The following MROH1 variants were observed in gnomAD, a reference collection of about 807,000 sequenced individuals.
The protein encoded by MROH1 is maestro heat-like repeat-containing protein family member 1.
In MROH1, 117 loss-of-function variants were observed where a neutral mutation model predicts 116.5. The ratio of observed to expected loss-of-function variants is 1.00; its 90% CI spans 0.86 to 1.17. The LOEUF (loss-of-function observed/expected upper bound fraction) is 1.17, where lower values mean the gene tolerates loss of function less well. MROH1 is among the 50% of genes most tolerant of loss of function. The pLI, the probability that MROH1 is intolerant of heterozygous loss-of-function variation, is 0.00. For synonymous variants in MROH1, 921 were observed against 583.9 expected (o/e 1.58, Z -8.32); for missense variants, 1,873 against 1,338.5 (o/e 1.40, Z -6.23).
chr8:144,179,658 T>A, intron 5 of MROH1, 72 bp downstream of exon 5: 1 of 1,537,710 alleles, frequency 6.5e-7, no homozygotes, highest in Non-Finnish European at 8.8e-7. Context: ...TTGGCCTTTC[T>A]ACCCAGCAGC....
intron 12 of MROH1, among the ~76,000 whole-genome samples, chr8:144,207,100 G>A (rs546313513): frequency 6.6e-6 from 1 of 150,796 alleles, no homozygotes; most frequent in East Asian, 2.0e-4. Context: ...AATTGATGAA[G>A]CACCTTTTCA....
chr8:144,233,618 GC>G (rs1452306867), intron 14 of MROH1, among the ~76,000 whole-genome samples: 2 of 152,080 alleles, frequency 1.3e-5, no homozygotes, highest in Non-Finnish European at 2.9e-5. Context: ...TTTGTGTCTG[GC>G]TTCTCCCACT....
intron 7 of MROH1, among the ~76,000 whole-genome samples, chr8:144,187,741 G>C (rs1038084792): frequency 6.6e-6 from 1 of 152,216 alleles, no homozygotes; most frequent in East Asian, 1.9e-4. Context: ...TGAAGGCAGT[G>C]CTAGAAGGTG....
At chr8:144,169,402 T>A (rs1821850045) in intron 4 of MROH1, among the ~76,000 whole-genome samples, 1 of 151,708 alleles carries the variant, frequency 6.6e-6, no homozygotes. Flanking sequence ...CTGTCAGCTG[T>A]CTTAGCTGTT....
intron 31 of MROH1, 130 bp downstream of exon 31, chr8:144,247,809 G>A: frequency 2.9e-6 from 2 of 686,180 alleles, no homozygotes; most frequent in Admixed American, 2.0e-5. Context: ...CATGAGCAGG[G>A]CCTGGGTGTT....
At chr8:144,152,385 T>TA (rs1254095782) in intron 1 of MROH1, among the ~76,000 whole-genome samples, 9 of 98,208 alleles carry the variant, frequency 9.2e-5, no homozygotes, top group Admixed American at 3.1e-4. Context: ...TTTTTTTATT[T>TA]AAAAAAAATT....
At chr8:144,178,757 C>T (rs1196672833) in intron 4 of MROH1, among the ~76,000 whole-genome samples, 1 of 152,138 alleles carries the variant, frequency 6.6e-6, no homozygotes, top group African/African-American at 2.4e-5. Flanking sequence ...CCCCAGGTTC[C>T]TTTCCTGGGT....
intron 33 of MROH1, among the ~76,000 whole-genome samples, chr8:144,253,013 G>A (rs1200885633): frequency 6.7e-6 from 1 of 149,272 alleles, no homozygotes; most frequent in Non-Finnish European, 1.5e-5. Context: ...AATTAGCTAG[G>A]CGTGGCAGCA....
intron 7 of MROH1, 38 bp from the exon 8 acceptor site, chr8:144,190,746 C>G: frequency 6.2e-7 from 1 of 1,602,800 alleles, no homozygotes; most frequent in Non-Finnish European, 8.5e-7. Context: ...GTCACAAACC[C>G]ATGGCCTGCA....
chr8:144,228,255 A>C (rs1762488423), intron 14 of MROH1, among the ~76,000 whole-genome samples: 1 of 152,216 alleles, frequency 6.6e-6, no homozygotes, highest in African/African-American at 2.4e-5. Flanking sequence ...TGTTTACACT[A>C]TACTGTAGTA....
At chr8:144,153,894 A>G (rs1311587115) in intron 1 of MROH1, among the ~76,000 whole-genome samples, 1 of 149,884 alleles carries the variant, frequency 6.7e-6, no homozygotes, top group East Asian at 2.0e-4. Context: ...CCGAGTAGCC[A>G]GGACTACAGG....
chr8:144,220,380 G>A (rs888082621), intron 12 of MROH1, among the ~76,000 whole-genome samples: 6 of 152,186 alleles, frequency 3.9e-5, no homozygotes, highest in African/African-American at 1.2e-4. Context: ...ACGACCGACC[G>A]CCCTAAACTA....
chr8:144,212,515 T>C (rs1418451375), intron 12 of MROH1, among the ~76,000 whole-genome samples: 1 of 151,720 alleles, frequency 6.6e-6, no homozygotes, highest in African/African-American at 2.4e-5. Context: ...AAATACCTTA[T>C]GAGTTCATGT....
At chr8:144,245,771 C>T (rs1021451040) in intron 29 of MROH1, among the ~76,000 whole-genome samples, 4 of 151,706 alleles carry the variant, frequency 2.6e-5, no homozygotes, top group South Asian at 2.1e-4. Context: ...GTGATCCTCC[C>T]GCCTTGGCCT....
rs2131309658 is a variant in MROH1, at chr8:144,179,435, T to C, written c.169-20T>C. The C allele has an allele frequency of 6.2e-7, 1 of 1,612,530 alleles. No homozygotes were observed. The highest frequency in any genetic ancestry group is 8.5e-7 in the Non-Finnish European group (1 of 1,179,226). The stretch of plus-strand genomic sequence containing the variant: ...GTGTGGGGCTCACCTGGGACCGACC[T>C]GGACGGTGTCTCTCCGCAGCTGGCA... On this transcript the variant is annotated intron_variant, in intron 4 of 43. Transcript: ENST00000326134.
At chr8:144,194,958 C>CA (rs1258373954) in intron 10 of MROH1, among the ~76,000 whole-genome samples, 1 of 151,370 alleles carries the variant, frequency 6.6e-6, no homozygotes, top group Non-Finnish European at 1.5e-5. Flanking sequence ...GACCAACCTA[C>CA]AAAAGCCAAG....
intron 14 of MROH1, among the ~76,000 whole-genome samples, chr8:144,237,857 G>A (rs1481008382): frequency 1.3e-5 from 2 of 152,226 alleles, no homozygotes; most frequent in African/African-American, 2.4e-5. Flanking sequence ...GTGTCCTAAC[G>A]TTCGTGTTTC....
chr8:144,242,347 G>T (rs927324310), intron 22 of MROH1, 22 bp from the exon 23 acceptor site: 3 of 780,528 alleles, frequency 3.8e-6, no homozygotes, highest in Non-Finnish European at 7.2e-6. Flanking sequence ...CTGAAGTCCC[G>T]CTGGTTCCTC....
At chr8:144,222,024 C>G (rs549239453) in intron 13 of MROH1, among the ~76,000 whole-genome samples, 2 of 152,248 alleles carry the variant, frequency 1.3e-5, no homozygotes, top group South Asian at 4.1e-4. Context: ...GCTGGACATG[C>G]AGGCTCAACT....
Sources: allele counts gnomAD v4.1 joint callset (sites outside exome capture counted in the v4.1 genomes callset), GRCh38; gene constraint gnomAD v4.1.1; transcripts MANE v1.5; gene names NCBI Gene and HGNC (gene_info 2026-07-23, HGNC 2026-07-21).